Variants in C19orf47 observed in about 807,000 individuals in gnomAD.
C19orf47 encodes chromosome 19 open reading frame 47, also known as uncharacterized protein C19orf47.
C19orf47 carries 18 observed loss-of-function variants against 32.3 expected under a neutral mutation model. The ratio of observed to expected loss-of-function variants is 0.56; its 90% confidence interval spans 0.39 to 0.83. The LOEUF is 0.83. Ranked by LOEUF, C19orf47 falls within the 40% of genes least tolerant of loss-of-function variation. The pLI, the probability that C19orf47 is intolerant of heterozygous loss-of-function variation, is 0.00. For missense variants in C19orf47, 484 were observed against 531.6 expected (o/e 0.91, Z 0.88); for synonymous variants, 202 against 211.1 (o/e 0.96, Z 0.37).
chr19:40,311,521 G>A, the C19orf47 span, among the ~76,000 whole-genome samples: 4 of 151,922 alleles, frequency 2.6e-5, no homozygotes, highest in Admixed American at 6.6e-5. Flanking sequence ...TAGCCTGGGC[G>A]ACAGAGCAAG....
intron 1 of C19orf47, among the ~76,000 whole-genome samples, chr19:40,342,643 AG>A (rs2078200246): frequency 6.6e-6 from 1 of 152,206 alleles, no homozygotes; most frequent in Non-Finnish European, 1.5e-5. Context: ...GAAGACATGG[AG>A]GACCTGGGAA....
At chr19:40,341,064 T>A (rs2078168086) in intron 2 of C19orf47, among the ~76,000 whole-genome samples, 1 of 151,458 alleles carries the variant, frequency 6.6e-6, no homozygotes, top group Non-Finnish European at 1.5e-5. Context: ...CCAGGCGCGG[T>A]GGCTCATGCC....
intron 1 of C19orf47, among the ~76,000 whole-genome samples, chr19:40,345,161 G>A (rs934005065): frequency 1.3e-5 from 2 of 152,068 alleles, no homozygotes; most frequent in South Asian, 2.1e-4. Flanking sequence ...AGACCCTACT[G>A]AATTCAATTT....
intron 8 of C19orf47, 34 bp downstream of exon 8, chr19:40,323,972 G>C (rs770845444): frequency 6.2e-7 from 1 of 1,612,294 alleles, no homozygotes; most frequent in Non-Finnish European, 8.5e-7. Flanking sequence ...ACAACAGCTC[G>C]CACGCCCAGA....
At chr19:40,334,617 G>A (rs551296697) in intron 4 of C19orf47, among the ~76,000 whole-genome samples, 26 of 151,872 alleles carry the variant, frequency 1.7e-4, no homozygotes, top group African/African-American at 3.6e-4. Flanking sequence ...GCATGGTGGC[G>A]CACGCCTGTA....
At chr19:40,336,501 G>A (rs2078069069) in intron 2 of C19orf47, 94 bp from the exon 3 acceptor site, 1 of 1,125,372 alleles carries the variant, frequency 8.9e-7, no homozygotes, top group Non-Finnish European at 1.3e-6. Context: ...CAAATTAAAT[G>A]CTCATCATAT....
intron 2 of C19orf47, among the ~76,000 whole-genome samples, chr19:40,340,975 C>CA (rs34578402): frequency 0.39 from 39,780 of 102,648 alleles, 8,511 homozygotes; most frequent in South Asian, 0.6. Flanking sequence ...GAGCCTGTCT[C>CA]AAAAAAAAAA....
chr19:40,321,864 A>G lies in C19orf47; in HGVS notation c.*18T>C. On this transcript the variant is annotated 3_prime_UTR_variant, in exon 9 of 9. Coordinates refer to ENST00000683109, the MANE Select transcript of C19orf47 (RefSeq NM_001256441.2). ...GATGCCCGCAGGCTCTGCTGCCTGC[A>G]CCCCGCCCACAGGTGGGCTAGAAGG... The G allele has an allele frequency of 6.5e-7, 1 of 1,544,476 alleles. No individual in the cohort carries two copies.
chr19:40,298,295 T>C, the C19orf47 span, among the ~76,000 whole-genome samples: 20 of 146,860 alleles, frequency 1.4e-4, no homozygotes, highest in Non-Finnish European at 2.5e-4. Context: ...GAGTGAAACA[T>C]TGTCTCAAAA....
At chr19:40,295,008 A>G in the C19orf47 span, among the ~76,000 whole-genome samples, 1 of 152,166 alleles carries the variant, frequency 6.6e-6, no homozygotes, top group South Asian at 2.1e-4. Flanking sequence ...GCCTGTGGCA[A>G]CAAAGGTCTT....
At position 40,322,180 on chromosome 19, in the gene C19orf47, G is replaced by C. The variant is rs1301694021; in HGVS notation, c.860C>G (p.Ala287Gly). ...KAKATSSATT[A>G]AAPTLRRLAL... ...CAGGCGCCGCAGTGTCGGGGCAGCA[G>C]CCGTTGTCGCTGAGCTTGTGGCCTT... The change falls in exon 9 of 9, where the codon GCT becomes GGT. Residue 287 changes from alanine (A) to glycine (G), a missense_variant. By Grantham distance (60) the Ala-to-Gly change is moderately conservative. Around this residue, in one of 3 missense-constraint regions of C19orf47, gnomAD observed 376 missense variants for 370.2 expected, o/e 1.02. Coordinates refer to ENST00000683109, the MANE Select transcript of C19orf47 (RefSeq NM_001256441.2). 1 of 1,612,308 alleles carries C rather than the reference G, an allele frequency of 6.2e-7. No homozygotes were observed. The highest frequency in any genetic ancestry group is 8.5e-7 in the Non-Finnish European group (1 of 1,179,850).
At chr19:40,298,356 A>C in the C19orf47 span, among the ~76,000 whole-genome samples, 2 of 152,172 alleles carry the variant, frequency 1.3e-5, no homozygotes, top group East Asian at 1.9e-4. Context: ...GCTCTTTAAA[A>C]CGGTTTCCCA....
At chr19:40,340,447 C>A (rs2078153532) in intron 2 of C19orf47, among the ~76,000 whole-genome samples, 1 of 151,828 alleles carries the variant, frequency 6.6e-6, no homozygotes, top group African/African-American at 2.4e-5. Context: ...CTTTGGGAGG[C>A]CGAGGCAGGT....
At chr19:40,311,812 C>T in the C19orf47 span, among the ~76,000 whole-genome samples, 59,506 of 151,700 alleles carry the variant, frequency 0.39, 13,032 homozygotes, top group South Asian at 0.61. Context: ...TATACCATCA[C>T]GCCTGGCTAC....
chr19:40,319,270 CA>C (rs950541346), downstream of C19orf47, among the ~76,000 whole-genome samples: 26 of 141,582 alleles, frequency 1.8e-4, no homozygotes, highest in African/African-American at 5.7e-4. Context: ...AACTCTAACT[CA>C]AAAAAAAAAT....
chr19:40,308,461 T>TC, the C19orf47 span, among the ~76,000 whole-genome samples: 1 of 123,234 alleles, frequency 8.1e-6, no homozygotes. Context: ...AGCCAGAAAG[T>TC]CAACTTTTTT....
chr19:40,341,992 G>T, intron 1 of C19orf47, 102 bp from the exon 2 acceptor site: 1 of 1,521,676 alleles, frequency 6.6e-7, no homozygotes, highest in Non-Finnish European at 8.8e-7. Flanking sequence ...ATGTTCCTGG[G>T]CTAGGGGCTC....
chr19:40,294,115 G>A, the C19orf47 span, among the ~76,000 whole-genome samples: 4 of 151,892 alleles, frequency 2.6e-5, no homozygotes, highest in African/African-American at 7.3e-5. Flanking sequence ...GCAATAATCC[G>A]TCTCCAAAAA....
At chr19:40,346,658 C>G (rs1412775756) in intron 1 of C19orf47, among the ~76,000 whole-genome samples, 1 of 151,000 alleles carries the variant, frequency 6.6e-6, no homozygotes, top group Non-Finnish European at 1.5e-5. Flanking sequence ...TCCCAAGTAG[C>G]TGGGATTACA....
Sources: allele counts gnomAD v4.1 joint callset (sites outside exome capture counted in the v4.1 genomes callset), GRCh38; gene constraint gnomAD v4.1.1; regional missense constraint gnomAD v4.1.1; transcripts MANE v1.5; gene names NCBI Gene and HGNC (gene_info 2026-07-23, HGNC 2026-07-21).